Variants in NPY2R observed in about 807,000 individuals in gnomAD.
NPY2R encodes the protein neuropeptide Y receptor type 2.
A neutral mutation model predicts 22.3 loss-of-function variants in NPY2R; 17 were observed. The observed-to-expected ratio is 0.76, with a 90% CI of 0.52 to 1.14. The LOEUF (loss-of-function observed/expected upper bound fraction) is 1.14. Among genes scored for constraint, NPY2R ranks in the 50% most tolerant of loss-of-function variants. The probability of loss-of-function intolerance (pLI) is 0.00; values close to 1 mark genes in which losing one functional copy is unlikely to be tolerated. For missense variants in NPY2R, 424 were observed against 467.9 expected (o/e 0.91, Z 0.87); for synonymous variants, 209 against 183.4 (o/e 1.14, Z -1.13).
chr4:155,182,122 A>T, the NPY2R span, among the ~76,000 whole-genome samples: 1 of 152,168 alleles, frequency 6.6e-6, no homozygotes, highest in South Asian at 2.1e-4. Context: ...AGACTAAAAG[A>T]GTTATCAACC....
chr4:155,191,508 G>A, the NPY2R span, among the ~76,000 whole-genome samples: 1 of 151,954 alleles, frequency 6.6e-6, no homozygotes, highest in East Asian at 1.9e-4. Flanking sequence ...CAAATGCATA[G>A]TGAGGTACAC....
At chr4:155,213,408 A>G (rs1294858199) in intron 1 of NPY2R, among the ~76,000 whole-genome samples, 6 of 152,320 alleles carry the variant, frequency 3.9e-5, no homozygotes, top group Admixed American at 3.9e-4. Context: ...CAGGCACCAG[A>G]CAAATAGTTT....
chr4:155,197,763 G>C, the NPY2R span, among the ~76,000 whole-genome samples: 1 of 151,010 alleles, frequency 6.6e-6, no homozygotes, highest in Non-Finnish European at 1.5e-5. Flanking sequence ...TGGTCTGAGA[G>C]CAAAAACTTC....
At chr4:155,213,742 T>C (rs2111044002) in intron 1 of NPY2R, 150 bp from the exon 2 acceptor site, 1 of 608,670 alleles carries the variant, frequency 1.6e-6, no homozygotes, top group South Asian at 2.0e-5. Context: ...TGTTTTGCTA[T>C]GCACAATTTT....
chr4:155,185,389 C>G, the NPY2R span, among the ~76,000 whole-genome samples: 1 of 152,084 alleles, frequency 6.6e-6, no homozygotes, highest in African/African-American at 2.4e-5. Context: ...AACATAAAGA[C>G]ATATTATGAT....
chr4:155,196,765 G>A, the NPY2R span, among the ~76,000 whole-genome samples: 228 of 151,644 alleles, frequency 1.5e-3, 1 homozygote, highest in African/African-American at 5.4e-3. Flanking sequence ...TACCAAAGAG[G>A]ACTCTCTGGG....
At chr4:155,186,588 G>T in the NPY2R span, among the ~76,000 whole-genome samples, 5 of 152,036 alleles carry the variant, frequency 3.3e-5, no homozygotes, top group Non-Finnish European at 5.9e-5. Flanking sequence ...CTAATTTTTT[G>T]TGTGTATGGC....
the NPY2R span, among the ~76,000 whole-genome samples, chr4:155,193,409 G>A: frequency 6.6e-6 from 1 of 151,864 alleles, no homozygotes; most frequent in Non-Finnish European, 1.5e-5. Flanking sequence ...TCTGTTAGAT[G>A]TGTGAGCCAT....
chr4:155,195,413 G>A, the NPY2R span, among the ~76,000 whole-genome samples: 1 of 151,830 alleles, frequency 6.6e-6, no homozygotes, highest in African/African-American at 2.4e-5. Context: ...TTAGTGTCCG[G>A]GGCAGAGTCT....
chr4:155,205,179 G>A (rs1346480227), upstream of NPY2R, among the ~76,000 whole-genome samples: 1 of 152,130 alleles, frequency 6.6e-6, no homozygotes, highest in Non-Finnish European at 1.5e-5. Context: ...CACACGTCAA[G>A]TGCTCAATAA....
chr4:155,177,233 G>T, the NPY2R span, among the ~76,000 whole-genome samples: 18 of 152,130 alleles, frequency 1.2e-4, no homozygotes, highest in African/African-American at 4.3e-4. Context: ...AGACTCAAAG[G>T]TGTGTTTCTT....
chr4:155,206,601 C>G (rs999606255), upstream of NPY2R: 5 of 152,178 alleles, frequency 3.3e-5, no homozygotes, highest in African/African-American at 1.2e-4. Flanking sequence ...AGGTTGCTGA[C>G]TAGATGTCTG....
At chr4:155,213,599 T>G (rs1270082368) in intron 1 of NPY2R, among the ~76,000 whole-genome samples, 1 of 152,350 alleles carries the variant, frequency 6.6e-6, no homozygotes, top group East Asian at 1.9e-4. Context: ...TTAATCCATT[T>G]GATAGCATTC....
the NPY2R span, among the ~76,000 whole-genome samples, chr4:155,186,669 A>G: frequency 6.6e-6 from 1 of 152,172 alleles, no homozygotes; most frequent in African/African-American, 2.4e-5. Flanking sequence ...TATACTCATC[A>G]TGATACACAG....
chr4:155,189,758 C>T, the NPY2R span, among the ~76,000 whole-genome samples: 1 of 151,798 alleles, frequency 6.6e-6, no homozygotes, highest in African/African-American at 2.4e-5. Context: ...GACCCTACTC[C>T]TATGTTTCCT....
At position 155,214,759 on chromosome 4, in the gene NPY2R, G is replaced by T. The variant is rs1211597422; in HGVS notation, c.820G>T (p.Val274Leu). 6.2e-7 allele frequency: 1 copy of T among 1,614,134 alleles called. No homozygotes were observed. Among genetic ancestry groups the T allele is most frequent in the Middle Eastern group, 1.6e-4 (1 of 6,062 alleles). The change falls in exon 2 of 2, where the codon GTG becomes TTG. Residue 274 changes from valine (V) to leucine (L), a missense_variant. Transcript: ENST00000329476. ...AACCACCAAAATGCTGGTGTGTGTG[G>T]TGGTGGTGTTTGCGGTCAGCTGGCT... ...QKTTKMLVCV[V>L]VVFAVSWLPL... is the part of the protein sequence containing the mutation.
At chr4:155,197,722 A>G in the NPY2R span, among the ~76,000 whole-genome samples, 20 of 152,164 alleles carry the variant, frequency 1.3e-4, no homozygotes, top group Admixed American at 3.9e-4. Context: ...TGGTTTCTCC[A>G]TAAGTGAGCA....
At chr4:155,192,659 G>A in the NPY2R span, among the ~76,000 whole-genome samples, 1 of 151,664 alleles carries the variant, frequency 6.6e-6, no homozygotes, top group Non-Finnish European at 1.5e-5. Context: ...CTCTATCATT[G>A]GTTTAAATAC....
chr4:155,177,418 A>T, the NPY2R span, among the ~76,000 whole-genome samples: 1 of 152,174 alleles, frequency 6.6e-6, no homozygotes, highest in East Asian at 1.9e-4. Flanking sequence ...CAAGGCAAAC[A>T]ACATTAACTC....
Sources: allele counts gnomAD v4.1 joint callset (sites outside exome capture counted in the v4.1 genomes callset), GRCh38; gene constraint gnomAD v4.1.1; transcripts MANE v1.5; gene names NCBI Gene and HGNC (gene_info 2026-07-23, HGNC 2026-07-21).